WDR20: variants seen among roughly 807,000 people sequenced by gnomAD.
WDR20 encodes WD repeat domain 20.
Under a neutral mutation model 38.7 loss-of-function variants are expected in WDR20, and 3 were observed. The ratio of observed to expected loss-of-function variants is 0.08; its 90% CI spans 0.04 to 0.20. The LOEUF is 0.20. Ranked by LOEUF, WDR20 falls within the 10% of genes least tolerant of loss-of-function variation. The pLI is 1.00. For missense variants in WDR20, 559 were observed against 727.7 expected (o/e 0.77, Z 2.67); for synonymous variants, 298 against 285.6 (o/e 1.04, Z -0.44).
At chr14:102,168,011 C>T (rs879258331) in intron 1 of WDR20, among the ~76,000 whole-genome samples, 2 of 152,178 alleles carry the variant, frequency 1.3e-5, no homozygotes, top group Non-Finnish European at 2.9e-5. Flanking sequence ...AGTTGTTCGC[C>T]TGATCTTTCT....
At chr14:102,171,271 T>C (rs1325117103) in intron 1 of WDR20, 9 of 136,728 alleles carry the variant, frequency 6.6e-5, no homozygotes, top group Non-Finnish European at 9.4e-5. Flanking sequence ...TTTTTTTTTT[T>C]TTTTTTTTAG....
chr14:102,154,389 G>T (rs931651649), intron 1 of WDR20, among the ~76,000 whole-genome samples: 4 of 152,116 alleles, frequency 2.6e-5, no homozygotes, highest in African/African-American at 9.7e-5. Context: ...GGTGGAGGGG[G>T]AAGGCAGCTC....
intron 1 of WDR20, among the ~76,000 whole-genome samples, chr14:102,161,050 AC>A (rs1432470095): frequency 7.1e-6 from 1 of 140,318 alleles, no homozygotes; most frequent in Non-Finnish European, 1.5e-5. Context: ...ATAAATTTCC[AC>A]ATGTATGATA....
At chr14:102,195,207 C>G in intron 2 of WDR20, 87 bp downstream of exon 2, 1 of 1,432,990 alleles carries the variant, frequency 7.0e-7, no homozygotes, top group Middle Eastern at 2.0e-4. Context: ...TTTTGCACTT[C>G]AAGCTAAGCC....
rs540536425 is a variant in WDR20, at chr14:102,207,145, G to A, written c.433-1458G>A. Among the ~76,000 whole-genome samples the A allele has an allele frequency of 2.0e-4, 31 of 152,324 alleles. No homozygotes were observed. Among genetic ancestry groups the A allele is most frequent in the Middle Eastern group, 6.8e-3 (2 of 294 alleles). ...AAGAGGACCAGCCATGCCGTTTTAC[G>A]GCAGTAAGCAGTGACACCTGCTGCT... is the stretch of plus-strand genomic sequence containing the variant. On this transcript the variant is annotated intron_variant, in intron 2 of 2. Transcript: ENST00000342702. The surrounding 1 kb of genome is among the most constrained non-coding windows in gnomAD (Gnocchi z 5.0).
intron 1 of WDR20, among the ~76,000 whole-genome samples, chr14:102,186,626 G>A (rs957244800): frequency 6.6e-6 from 1 of 151,934 alleles, no homozygotes; most frequent in African/African-American, 2.4e-5. Flanking sequence ...TCCCTAACAG[G>A]CACTAGCAGC....
intron 1 of WDR20, among the ~76,000 whole-genome samples, chr14:102,155,523 A>G (rs1255973574): frequency 6.6e-6 from 1 of 152,178 alleles, no homozygotes; most frequent in East Asian, 1.9e-4. Flanking sequence ...GGGAAAGCAG[A>G]TATAGGAGCT....
At chr14:102,212,498 C>G, downstream of WDR20, 1 of 1,535,846 alleles carries the variant, frequency 6.5e-7, no homozygotes. Context: ...GCCCCTCTGA[C>G]TGCTGCCCCT....
chr14:102,202,588 G>A (rs1191162341), intron 2 of WDR20, among the ~76,000 whole-genome samples: 1 of 151,728 alleles, frequency 6.6e-6, no homozygotes, highest in East Asian at 1.9e-4. Context: ...CACCATATTG[G>A]CCAGGATGGT....
At chr14:102,202,481 C>T (rs1474524391) in intron 2 of WDR20, among the ~76,000 whole-genome samples, 2 of 144,144 alleles carry the variant, frequency 1.4e-5, no homozygotes, top group East Asian at 4.5e-4. Context: ...CCCGAGTTCA[C>T]ACCATTCTCC....
At chr14:102,179,972 G>T (rs919005527) in intron 1 of WDR20, among the ~76,000 whole-genome samples, 4 of 152,108 alleles carry the variant, frequency 2.6e-5, no homozygotes, top group Non-Finnish European at 4.4e-5. Flanking sequence ...GACCAACATG[G>T]TGAAACCCTG....
chr14:102,193,229 T>C (rs762796900), intron 1 of WDR20, among the ~76,000 whole-genome samples: 1 of 151,724 alleles, frequency 6.6e-6, no homozygotes, highest in Non-Finnish European at 1.5e-5. Context: ...TCCGAGCCGC[T>C]CAGAAGCTGC....
Position 102,222,607 on chromosome 14 carries a change from T to C in WDR20, c.1693-223T>C, listed in dbSNP as rs1313392495. On this transcript the variant is annotated intron_variant, in intron 3 of 3. Transcript: ENST00000335263. The surrounding 1 kb of genome is among the most constrained non-coding windows in gnomAD (Gnocchi z 4.4). ...CTGCCCGCCCTTCTCTTGGACGGTA[T>C]TGAGGCCACAGTATTGCACCCAGCA... Among the ~76,000 whole-genome samples the C allele has an allele frequency of 1.3e-5, 2 of 152,140 alleles. No individual in the cohort carries two copies. Among genetic ancestry groups the C allele is most frequent in the African/African-American group, 4.8e-5 (2 of 41,426 alleles).
intron 1 of WDR20, among the ~76,000 whole-genome samples, chr14:102,182,498 A>G (rs1457931332): frequency 6.6e-6 from 1 of 152,188 alleles, no homozygotes; most frequent in East Asian, 1.9e-4. Flanking sequence ...TGTTTGGAAT[A>G]TATTATCATC....
At chr14:102,193,495 T>C in intron 1 of WDR20, 1 of 1,613,632 alleles carries the variant, frequency 6.2e-7, no homozygotes, top group East Asian at 2.2e-5. Context: ...ACAGAGATTC[T>C]CATCTCCGTT....
intron 1 of WDR20, among the ~76,000 whole-genome samples, chr14:102,168,492 G>C (rs563165758): frequency 2.6e-5 from 4 of 151,972 alleles, no homozygotes; most frequent in Non-Finnish European, 5.9e-5. Flanking sequence ...TGCCTGGCAC[G>C]GTGTAGGTGC....
intron 1 of WDR20, among the ~76,000 whole-genome samples, chr14:102,185,882 A>G (rs1450859988): frequency 6.6e-6 from 1 of 150,784 alleles, no homozygotes; most frequent in African/African-American, 2.4e-5. Flanking sequence ...CTTGGTTTCT[A>G]TCACTTCACT....
rs116228293 is a variant in WDR20 at position 102,200,023 on chromosome 14, T to C, written c.432+4903T>C. Among the ~76,000 whole-genome samples, 694 of 152,330 alleles carry C rather than the reference T, an allele frequency of 4.6e-3. 6 individuals are homozygous for C. The highest frequency in any genetic ancestry group is 0.015 in the African/African-American group (643 of 41,568). On this transcript the variant is annotated intron_variant, in intron 2 of 2. Transcript: ENST00000342702. Reference sequence around the variant, plus strand: ...TGAAGGCAAACTTCACCAAACTTCATCTCCAAGTCTGGCCCTGATCAGGTC... The same window carrying C: ...TGAAGGCAAACTTCACCAAACTTCACCTCCAAGTCTGGCCCTGATCAGGTC...
chr14:102,151,115 C>A (rs28456695), intron 1 of WDR20, among the ~76,000 whole-genome samples: 3 of 151,204 alleles, frequency 2.0e-5, no homozygotes, highest in Non-Finnish European at 4.4e-5. Flanking sequence ...AGGATAAATG[C>A]ATAACTCTTT....
Sources: gnomAD v4.1 joint callset for allele counts (sites outside exome capture counted in the v4.1 genomes callset) on GRCh38, gnomAD v4.1.1 for gene constraint, Gnocchi (gnomAD v3.1) non-coding constraint, MANE v1.5 for transcripts, NCBI Gene and HGNC (gene_info 2026-07-23, HGNC 2026-07-21) for gene names.